The following CCDC148 variants were observed in gnomAD, a reference collection of about 807,000 sequenced individuals.
CCDC148 encodes coiled-coil domain containing 148.
In CCDC148, 89 loss-of-function variants were observed where a neutral mutation model predicts 85.7. The observed-to-expected ratio is 1.04, with a 90% CI of 0.87 to 1.24. The LOEUF (loss-of-function observed/expected upper bound fraction) is 1.24. Among genes scored for constraint, CCDC148 ranks in the 50% most tolerant of loss-of-function variants. The probability of loss-of-function intolerance (pLI) is 0.00; values close to 1 mark genes in which losing one functional copy is unlikely to be tolerated. For synonymous variants in CCDC148, 230 were observed against 213.9 expected (o/e 1.08, Z -0.66); for missense variants, 692 against 671.7 (o/e 1.03, Z -0.33).
chr2:158,254,974 C>T (rs1183648257), intron 9 of CCDC148, among the ~76,000 whole-genome samples: 2 of 123,222 alleles, frequency 1.6e-5, no homozygotes, highest in Non-Finnish European at 3.4e-5. Flanking sequence ...CTAAATGATG[C>T]TTCTTTTCTC....
At chr2:158,294,237 A>C (rs943260022) in intron 9 of CCDC148, among the ~76,000 whole-genome samples, 2 of 152,164 alleles carry the variant, frequency 1.3e-5, no homozygotes, top group Non-Finnish European at 2.9e-5. Flanking sequence ...AGATGTGTAC[A>C]TGCTGTTGCT....
intron 1 of CCDC148, among the ~76,000 whole-genome samples, chr2:158,405,050 C>T (rs899206173): frequency 2.0e-4 from 31 of 152,172 alleles, no homozygotes; most frequent in African/African-American, 7.2e-4. Context: ...TACACATCAC[C>T]TGTTTTTGAA....
At chr2:158,324,341 T>C (rs1692664126) in intron 7 of CCDC148, among the ~76,000 whole-genome samples, 1 of 152,224 alleles carries the variant, frequency 6.6e-6, no homozygotes, top group African/African-American at 2.4e-5. Context: ...ATAAACTATT[T>C]TGTGGCCTGC....
chr2:158,207,801 T>C (rs184228344), intron 11 of CCDC148, among the ~76,000 whole-genome samples: 31 of 152,242 alleles, frequency 2.0e-4, no homozygotes, highest in Admixed American at 1.2e-3. Context: ...AGTCAACCTA[T>C]TGAGTAAAGA....
intron 11 of CCDC148, among the ~76,000 whole-genome samples, chr2:158,184,877 G>A (rs906467492): frequency 9.9e-5 from 15 of 152,240 alleles, no homozygotes; most frequent in Middle Eastern, 3.4e-3. Flanking sequence ...GTTGTCAAGC[G>A]GAGCCCCCAA....
chr2:158,335,926 G>C (rs547636624), intron 7 of CCDC148, among the ~76,000 whole-genome samples: 1 of 152,048 alleles, frequency 6.6e-6, no homozygotes, highest in Non-Finnish European at 1.5e-5. Flanking sequence ...AAACCAGCGA[G>C]CTACTATAAA....
intron 1 of CCDC148, among the ~76,000 whole-genome samples, chr2:158,366,901 T>TTGAACTAGGTTGAA (rs1270546250): frequency 1.3e-5 from 2 of 152,178 alleles, no homozygotes; most frequent in Non-Finnish European, 2.9e-5. Context: ...ACTACCCATG[T>TTGAACTAGGTTGAA]CTAGTGGCCC....
intron 9 of CCDC148, among the ~76,000 whole-genome samples, chr2:158,293,556 A>T (rs1690994538): frequency 6.6e-6 from 1 of 152,222 alleles, no homozygotes; most frequent in Non-Finnish European, 1.5e-5. Flanking sequence ...GTCACCACTT[A>T]ACAAAATGTT....
chr2:158,413,530 G>C (rs17420944), intron 1 of CCDC148, among the ~76,000 whole-genome samples: 11,468 of 151,628 alleles, frequency 0.076, 578 homozygotes, highest in Middle Eastern at 0.12. Flanking sequence ...AGCTACTAAG[G>C]ATAAAGTGAC....
In CCDC148 at chr2:158,287,851, A is replaced by G. The variant is rs11886761; in HGVS notation, c.1110+21582T>C. Among the ~76,000 whole-genome samples the G allele has an allele frequency of 4.0e-3, 604 of 152,290 alleles. 3 individuals carry two copies. The highest frequency in any genetic ancestry group is 0.013 in the African/African-American group (533 of 41,554). ...GTAGGGACTCTATGTGGCAGCTTCA[A>G]CGCCACATTTCTCTTCTGTACTGCC... On this transcript the variant is annotated intron_variant, in intron 9 of 13. Transcript: ENST00000283233.
At chr2:158,361,549 C>A (rs975935925) in intron 1 of CCDC148, among the ~76,000 whole-genome samples, 2 of 152,040 alleles carry the variant, frequency 1.3e-5, no homozygotes, top group Non-Finnish European at 2.9e-5. Flanking sequence ...AATTTTCAAC[C>A]CAGAATTTCA....
At chr2:158,316,974 T>C (rs1457522675) in intron 7 of CCDC148, among the ~76,000 whole-genome samples, 1 of 152,344 alleles carries the variant, frequency 6.6e-6, no homozygotes, top group Non-Finnish European at 1.5e-5. Flanking sequence ...CTTTTTTGTA[T>C]AGAAAAATCT....
intron 3 of CCDC148, among the ~76,000 whole-genome samples, chr2:158,342,519 AC>A (rs748235025): frequency 6.6e-6 from 1 of 152,214 alleles, no homozygotes; most frequent in Non-Finnish European, 1.5e-5. Context: ...GATTTGTTTA[AC>A]CAAAAACACA....
At position 158,178,904 on chromosome 2, in the gene CCDC148, C is replaced by T. The variant is rs73966273; in HGVS notation, c.1463G>A (p.Arg488Gln). 3.2e-4 allele frequency: 520 copies of T among 1,613,428 alleles called. 1 individual carries two copies. The African/African-American group carries it at 5.8e-3, about 18-fold the overall frequency. ...CTGTTTCCTAAGGGCTTCTAGCCGC[C>T]GTGCTCTCTCTTTGTCTTCATGAGC... ...QEAHEDKERA[R>Q]RLEALRKQVA... The change falls in exon 12 of 14, where the codon CGG becomes CAG. Residue 488 changes from arginine (R) to glutamine (Q), a missense_variant. Arg to Gln is a conservative substitution (Grantham distance 43). Transcript: ENST00000283233.
chr2:158,324,967 C>T (rs1692697461), intron 7 of CCDC148, among the ~76,000 whole-genome samples: 1 of 151,892 alleles, frequency 6.6e-6, no homozygotes, highest in African/African-American at 2.4e-5. Context: ...GTACTAAATC[C>T]CAACTCTCCT....
At chr2:158,280,346 G>T (rs1690215295) in intron 9 of CCDC148, among the ~76,000 whole-genome samples, 5 of 152,150 alleles carry the variant, frequency 3.3e-5, no homozygotes, top group Admixed American at 3.3e-4. Flanking sequence ...TGGATAAAGA[G>T]TCAAGACCCA....
chr2:158,373,990 G>T (rs1391463354), intron 1 of CCDC148, among the ~76,000 whole-genome samples: 1 of 152,022 alleles, frequency 6.6e-6, no homozygotes, highest in Admixed American at 6.6e-5. Flanking sequence ...AGCATTAAGT[G>T]ATTACATTAT....
chr2:158,338,179 A>C (rs1189942510), intron 7 of CCDC148, among the ~76,000 whole-genome samples: 1 of 152,170 alleles, frequency 6.6e-6, no homozygotes, highest in African/African-American at 2.4e-5. Flanking sequence ...GACCGCTGCC[A>C]AACTGAATTT....
At chr2:158,302,731 C>T (rs1248298425) in intron 9 of CCDC148, among the ~76,000 whole-genome samples, 1 of 151,452 alleles carries the variant, frequency 6.6e-6, no homozygotes, top group Admixed American at 6.6e-5. Flanking sequence ...TTGCAGTGAG[C>T]CGAGATCGTG....
Sources: allele counts gnomAD v4.1 joint callset (sites outside exome capture counted in the v4.1 genomes callset), GRCh38; gene constraint gnomAD v4.1.1; transcripts MANE v1.5; gene names NCBI Gene and HGNC (gene_info 2026-07-23, HGNC 2026-07-21).